The following ROBO2 variants were observed in gnomAD, a reference collection of about 807,000 sequenced individuals.
ROBO2 encodes roundabout homolog 2.
ROBO2 carries 53 observed loss-of-function variants against 160.8 expected under a neutral mutation model. The observed-to-expected ratio is 0.33, with a 90% CI of 0.26 to 0.41. The LOEUF (loss-of-function observed/expected upper bound fraction) is 0.41. Ranked by LOEUF, ROBO2 falls within the 10% of genes least tolerant of loss-of-function variation. The pLI, the probability that ROBO2 is intolerant of heterozygous loss-of-function variation, is 1.00. For synonymous variants in ROBO2, 664 were observed against 611.7 expected (o/e 1.09, Z -1.26); for missense variants, 1,577 against 1,722.4 (o/e 0.92, Z 1.49).
chr3:77,584,899 T>TGC (rs1455385563), intron 16 of ROBO2, among the ~76,000 whole-genome samples: 1 of 149,842 alleles, frequency 6.7e-6, no homozygotes, highest in Non-Finnish European at 1.5e-5. Context: ...TGTATGTGTG[T>TGC]GTGTGTGTGT....
At chr3:77,371,579 C>A (rs2071761087) in intron 2 of ROBO2, among the ~76,000 whole-genome samples, 4 of 152,002 alleles carry the variant, frequency 2.6e-5, no homozygotes, top group Admixed American at 2.6e-4. Flanking sequence ...GTAACACAGG[C>A]AAATTTTGAT....
At chr3:77,323,666 A>T (rs2065054206) in intron 2 of ROBO2, among the ~76,000 whole-genome samples, 1 of 152,188 alleles carries the variant, frequency 6.6e-6, no homozygotes, top group South Asian at 2.1e-4. Context: ...GGGCAATGTT[A>T]TTCTTGTCTT....
intron 2 of ROBO2, among the ~76,000 whole-genome samples, chr3:77,024,590 A>G (rs1426163652): frequency 1.3e-5 from 2 of 152,154 alleles, no homozygotes; most frequent in African/African-American, 2.4e-5. Flanking sequence ...AACTATACTG[A>G]GGGAAATAAC....
chr3:75,978,778 G>A (rs1431517811), intron 2 of ROBO2, among the ~76,000 whole-genome samples: 2 of 151,490 alleles, frequency 1.3e-5, no homozygotes, highest in South Asian at 4.1e-4. Flanking sequence ...ATTTATACCA[G>A]TAATCTCTTT....
chr3:76,935,565 C>T (rs2077644743), intron 2 of ROBO2, among the ~76,000 whole-genome samples: 1 of 151,968 alleles, frequency 6.6e-6, no homozygotes, highest in Non-Finnish European at 1.5e-5. Flanking sequence ...ATACAATAGA[C>T]TGGGTAGCTA....
chr3:77,550,158 A>T (rs2092861422), intron 7 of ROBO2, among the ~76,000 whole-genome samples: 1 of 152,030 alleles, frequency 6.6e-6, no homozygotes, highest in African/African-American at 2.4e-5. Context: ...ATATTATGAA[A>T]TTGTTTAAGG....
chr3:77,089,324 G>C (rs947088677), intron 1 of ROBO2, among the ~76,000 whole-genome samples: 1 of 152,100 alleles, frequency 6.6e-6, no homozygotes, highest in Admixed American at 6.5e-5. Flanking sequence ...ATAAGGGTTT[G>C]TAAAAGGACC....
chr3:77,544,639 C>A (rs1456505512), intron 6 of ROBO2, among the ~76,000 whole-genome samples: 1 of 152,076 alleles, frequency 6.6e-6, no homozygotes, highest in Admixed American at 6.6e-5. Flanking sequence ...ACGTTTACCC[C>A]ATTCTTGGAC....
At chr3:77,380,288 G>T (rs2073268386) in intron 2 of ROBO2, among the ~76,000 whole-genome samples, 1 of 152,170 alleles carries the variant, frequency 6.6e-6, no homozygotes, top group African/African-American at 2.4e-5. Context: ...TGTCTCATCT[G>T]TTCCTTCTTG....
At chr3:77,548,703 C>T (rs1388013573) in intron 7 of ROBO2, among the ~76,000 whole-genome samples, 1 of 151,858 alleles carries the variant, frequency 6.6e-6, no homozygotes, top group African/African-American at 2.4e-5. Context: ...TTAAAGATTA[C>T]ATAAAATCTT....
chr3:76,337,231 A>G lies in ROBO2; in HGVS notation c.109+399629A>G, dbSNP rs149095604. Among the ~76,000 whole-genome samples, 24 of 152,298 alleles carry G rather than the reference A, an allele frequency of 1.6e-4. 1 individual carries two copies. In the East Asian group the frequency reaches 4.2e-3, roughly 27 times the overall value. On this transcript the variant is annotated intron_variant, in intron 2 of 26. Transcript: ENST00000487694. Reference sequence around the variant, plus strand: ...CTCCCTTGGCCCACTGCAAATTATCAGTGAGATGAGCAGCAGAAACTCAAG... The same window carrying G: ...CTCCCTTGGCCCACTGCAAATTATCGGTGAGATGAGCAGCAGAAACTCAAG...
intron 2 of ROBO2, among the ~76,000 whole-genome samples, chr3:76,103,249 C>T (rs1051413121): frequency 1.3e-5 from 2 of 152,150 alleles, no homozygotes; most frequent in South Asian, 2.1e-4. Context: ...AGTCCTCCTA[C>T]CAGAGCACTC....
chr3:76,325,981 C>T (rs2072983256), intron 2 of ROBO2, among the ~76,000 whole-genome samples: 1 of 152,026 alleles, frequency 6.6e-6, no homozygotes, highest in Admixed American at 6.6e-5. Context: ...GAGAAATGAA[C>T]CTTGTGTCTT....
At chr3:76,371,193 A>G (rs1325397616) in intron 2 of ROBO2, among the ~76,000 whole-genome samples, 1 of 151,994 alleles carries the variant, frequency 6.6e-6, no homozygotes, top group Non-Finnish European at 1.5e-5. Flanking sequence ...CAAGGGTTAG[A>G]AGTGCAAGAA....
chr3:77,451,777 T>TTA (rs1553962874), intron 2 of ROBO2, among the ~76,000 whole-genome samples: 18 of 151,740 alleles, frequency 1.2e-4, no homozygotes, highest in African/African-American at 4.4e-4. Flanking sequence ...CCTTTTTTTT[T>TTA]AATTTTTTTA....
rs548712056 is a variant in ROBO2, at chr3:76,292,818, A to G, written c.109+355216A>G. Among the ~76,000 whole-genome samples, 27 of 152,280 alleles carry G rather than the reference A, an allele frequency of 1.8e-4. No individual in the cohort carries two copies. In the South Asian group the frequency reaches 5.6e-3, roughly 32 times the overall value. The stretch of plus-strand genomic sequence containing the variant: ...TAACACCATGTTTTCATTTCAATTC[A>G]TATCATTGTAGTTATCTGAGTGCAG... On this transcript the variant is annotated intron_variant, in intron 2 of 26. Coordinates refer to the ROBO2 transcript ENST00000487694.
chr3:76,282,865 A>G (rs112801516), intron 2 of ROBO2, among the ~76,000 whole-genome samples: 2,213 of 151,922 alleles, frequency 0.015, 48 homozygotes, highest in African/African-American at 0.05. Context: ...ACTTATGCAT[A>G]TAAAACCACC....
chr3:76,459,705 G>T (rs890531513), intron 2 of ROBO2, among the ~76,000 whole-genome samples: 1 of 152,082 alleles, frequency 6.6e-6, no homozygotes, highest in Non-Finnish European at 1.5e-5. Context: ...TTTAAGAGCA[G>T]CTATAAATTG....
chr3:76,814,376 T>A (rs956738508), intron 2 of ROBO2, among the ~76,000 whole-genome samples: 1 of 152,134 alleles, frequency 6.6e-6, no homozygotes, highest in African/African-American at 2.4e-5. Context: ...TTTCCACATC[T>A]TTTTTGTCTC....
Sources: gnomAD v4.1 joint callset for allele counts (sites outside exome capture counted in the v4.1 genomes callset) on GRCh38, gnomAD v4.1.1 for gene constraint, MANE v1.5 for transcripts, NCBI Gene and HGNC (gene_info 2026-07-23, HGNC 2026-07-21) for gene names.